Variants in PARP10 observed in about 807,000 individuals in gnomAD.
PARP10 encodes the protein protein mono-ADP-ribosyltransferase PARP10.
In PARP10, 56 loss-of-function variants were observed where a neutral mutation model predicts 82.4. The ratio of observed to expected loss-of-function variants is 0.68; its 90% confidence interval spans 0.55 to 0.85. The LOEUF is 0.85. Among genes scored for constraint, PARP10 ranks in the 40% least tolerant of loss-of-function variants. The pLI, the probability that PARP10 is intolerant of heterozygous loss-of-function variation, is 0.00. For missense variants in PARP10, 1,227 were observed against 1,379.4 expected (o/e 0.89, Z 1.75); for synonymous variants, 576 against 601.1 (o/e 0.96, Z 0.61).
chr8:143,992,130 A>G, upstream of PARP10: 1 of 1,603,808 alleles, frequency 6.2e-7, no homozygotes, highest in Non-Finnish European at 8.5e-7. Flanking sequence ...GCAGTCCCAC[A>G]CGCCCACTCT....
chr8:143,978,003 G>A lies in PARP10; in HGVS notation c.2635C>T (p.Arg879Cys), dbSNP rs1554746820. The change falls in exon 10 of 11, where the codon CGC becomes TGC. Residue 879 changes from arginine to cysteine, a missense_variant. By Grantham distance (180) the Arg-to-Cys change is radical (BLOSUM62 -3). Coordinates refer to ENST00000313028, the MANE Select transcript of PARP10 (RefSeq NM_032789.5). The stretch of plus-strand genomic sequence containing the variant: ...TGGTACAGCACCTGCTCCACCGGGC[G>A]CCGCTCGCATCGCTGCAGCAGGCGC... ...RERLLQRCER[R>C]PVEQVLYHGT... 1 of 1,590,040 alleles carries A rather than the reference G, an allele frequency of 6.3e-7. No individual in the cohort carries two copies.
At chr8:143,991,670 A>C (rs781961190), upstream of PARP10, 2 of 1,599,432 alleles carry the variant, frequency 1.3e-6, no homozygotes, top group East Asian at 4.5e-5. Context: ...AGTGGCGCTG[A>C]CCCAGCCTGT....
Position 143,977,976 on chromosome 8 carries a change from C to G in PARP10, c.2662G>C (p.Gly888Arg), listed in dbSNP as rs782090223. The change falls in exon 10 of 11, where the codon GGC (glycine) becomes CGC (arginine). Residue 888 changes from glycine to arginine, a missense_variant. Coordinates refer to ENST00000313028, the MANE Select transcript of PARP10 (RefSeq NM_032789.5). ...TCAGGCACTGCCGGTGCCGTCGTGCCGTGGTACAGCACCTGCTCCACCGGG... is the reference window on the plus strand; with the variant it reads ...TCAGGCACTGCCGGTGCCGTCGTGCGGTGGTACAGCACCTGCTCCACCGGG... The part of the protein sequence containing the change: ...RRPVEQVLYH[G>R]TTAPAVPDIC... The G allele has an allele frequency of 1.9e-6, 3 of 1,598,650 alleles. No homozygotes were observed. Among genetic ancestry groups the G allele is most frequent in the Non-Finnish European group, 2.5e-6 (3 of 1,178,928 alleles).
At chr8:143,997,859 A>C (rs1396307325) in intron 1 of PARP10, among the ~76,000 whole-genome samples, 2 of 151,516 alleles carry the variant, frequency 1.3e-5, no homozygotes, top group African/African-American at 4.9e-5. Flanking sequence ...ATCATGGGTC[A>C]CTGCACCTCA....
At chr8:144,010,742 G>A (rs782802405) in intron 1 of PARP10, among the ~76,000 whole-genome samples, 15 of 151,710 alleles carry the variant, frequency 9.9e-5, no homozygotes, top group East Asian at 1.9e-4. Flanking sequence ...AAAATTAGCC[G>A]AGTGTGGTGG....
intron 1 of PARP10, among the ~76,000 whole-genome samples, chr8:143,999,751 T>C (rs553074990): frequency 6.6e-6 from 1 of 152,148 alleles, no homozygotes; most frequent in African/African-American, 2.4e-5. Flanking sequence ...ATTGAGCTTC[T>C]TTAATAGAAA....
upstream of PARP10, among the ~76,000 whole-genome samples, chr8:143,988,542 T>C (rs1036073631): frequency 2.0e-5 from 3 of 151,458 alleles, no homozygotes; most frequent in Admixed American, 2.0e-4. Flanking sequence ...CTCAGCTCAC[T>C]GTAACCTCTG....
chr8:143,981,509 G>A (rs111215933), intron 9 of PARP10, among the ~76,000 whole-genome samples: 834 of 17,572 alleles, frequency 0.047, no homozygotes, highest in Non-Finnish European at 0.068. Context: ...GGTGAAGGTG[G>A]TGGTGATGGT....
rs1834250934 is a variant in PARP10, at chr8:144,008,670, G to A, written c.-80+3860C>T. Among the ~76,000 whole-genome samples, 1 of 152,158 alleles carries A rather than the reference G, an allele frequency of 6.6e-6. No individual in the cohort carries two copies. Among genetic ancestry groups the A allele is most frequent in the Non-Finnish European group, 1.5e-5 (1 of 68,026 alleles). On this transcript the variant is annotated intron_variant, in intron 1 of 3. Coordinates refer to the PARP10 transcript ENST00000530478. This position sits in a 1 kb window ranked among gnomAD's most constrained non-coding sequence, Gnocchi z 4.0. ...GTGACACTGTCCAAGAGCTCAGAAGGGCAGGACTGAGAGCAGCATAGAGAG... is the reference window on the plus strand; with the variant it reads ...GTGACACTGTCCAAGAGCTCAGAAGAGCAGGACTGAGAGCAGCATAGAGAG...
At chr8:143,990,891 C>T (rs1834081201), upstream of PARP10, 1 of 174,854 alleles carries the variant, frequency 5.7e-6, no homozygotes, top group Admixed American at 6.3e-5. The surrounding 1 kb of genome is among the most constrained non-coding windows in gnomAD (Gnocchi z 5.6). Context: ...GGCAGCGGCG[C>T]AGGCCTCCGG....
chr8:143,992,558 C>T (rs145548367), upstream of PARP10: 45 of 1,614,038 alleles, frequency 2.8e-5, no homozygotes, highest in African/African-American at 5.3e-5. Flanking sequence ...CATCCGGAAC[C>T]GCATCCTGGA....
At position 143,978,056 on chromosome 8, in the gene PARP10, A is replaced by T. The variant is rs370629653; in HGVS notation, c.2582T>A (p.Leu861Gln). 9.1e-6 allele frequency: 14 copies of T among 1,544,758 alleles called. No homozygotes were observed. Among genetic ancestry groups the T allele is most frequent in the Middle Eastern group, 2.0e-4 (1 of 5,076 alleles). The change falls in exon 10 of 11, where the codon CTG becomes CAG. Residue 861 changes from leucine to glutamine, a missense_variant. Physicochemically the swap from Leu to Gln is moderately radical, Grantham distance 113. Coordinates refer to ENST00000313028, the MANE Select transcript of PARP10 (RefSeq NM_032789.5). ...VRVERVSHPL[L>Q]QQQYELYRER... ...CCGGTACAGCTCATACTGCTGCTGC[A>T]GCAGCGGGTGCGACACGCGCTCCAC...
chr8:143,997,591 C>T (rs1834172524), intron 1 of PARP10, among the ~76,000 whole-genome samples: 1 of 152,060 alleles, frequency 6.6e-6, no homozygotes, highest in African/African-American at 2.4e-5. Flanking sequence ...GATGAACAAT[C>T]GAATAATGTC....
intron 9 of PARP10, among the ~76,000 whole-genome samples, chr8:143,979,106 G>A (rs1444802587): frequency 6.6e-6 from 1 of 152,054 alleles, no homozygotes. Context: ...CCGAATAGCT[G>A]GGACTACAGG....
chr8:143,980,450 A>T lies in PARP10; in HGVS notation c.2557-2369T>A, dbSNP rs1156867720. 4.0e-5 allele frequency among the ~76,000 whole-genome samples: 6 copies of T among 150,522 alleles called. No individual in the cohort carries two copies. The East Asian group carries it at 1.2e-3, about 29-fold the overall frequency. ...TGAGGCAGAATCACTTGAACCCAAG[A>T]GGTGGAGGTTGCAGTGAGCCGAGAT... On this transcript the variant is annotated intron_variant, in intron 9 of 10. Coordinates refer to ENST00000313028, the MANE Select transcript of PARP10 (RefSeq NM_032789.5).
upstream of PARP10, chr8:143,991,468 G>C: frequency 6.7e-7 from 1 of 1,503,520 alleles, no homozygotes; most frequent in Non-Finnish European, 8.8e-7. Context: ...TACCCACAGG[G>C]CCCCTACCCA....
intron 1 of PARP10, among the ~76,000 whole-genome samples, chr8:144,000,737 G>A (rs1354630827): frequency 1.3e-5 from 2 of 152,050 alleles, no homozygotes; most frequent in Non-Finnish European, 2.9e-5. Context: ...AAACATATAT[G>A]TAAAAAAGCA....
upstream of PARP10, chr8:143,992,381 G>A (rs79740425): frequency 6.2e-7 from 1 of 1,606,856 alleles, no homozygotes; most frequent in South Asian, 1.1e-5. Context: ...CAGGTGAGGG[G>A]CCTCCCGTGG....
At chr8:143,991,371 TC>T, upstream of PARP10, 2 of 1,089,128 alleles carry the variant, frequency 1.8e-6, no homozygotes, top group Non-Finnish European at 2.5e-6. Context: ...TTTCCAGCCC[TC>T]CCCCTACGGT....
Sources: allele counts gnomAD v4.1 joint callset (sites outside exome capture counted in the v4.1 genomes callset), GRCh38; gene constraint gnomAD v4.1.1; non-coding constraint Gnocchi (gnomAD v3.1); transcripts MANE v1.5; gene names NCBI Gene and HGNC (gene_info 2026-07-23, HGNC 2026-07-21).